The following SPATA13 variants were observed in gnomAD, a reference collection of about 807,000 sequenced individuals.
SPATA13 encodes spermatogenesis associated 13.
In SPATA13, 50 loss-of-function variants were observed where a neutral mutation model predicts 104.0. The ratio of observed to expected loss-of-function variants is 0.48; its 90% CI spans 0.38 to 0.61. SPATA13 has a LOEUF of 0.61. SPATA13 is among the 20% of genes least tolerant of loss of function. The probability of loss-of-function intolerance (pLI) is 0.00; values close to 1 mark genes in which losing one functional copy is unlikely to be tolerated. For synonymous variants in SPATA13, 606 were observed against 667.5 expected, an observed-to-expected ratio of 0.91 and a Z score of 1.42; for missense variants, 1,524 against 1,690.6, an observed-to-expected ratio of 0.90 and a Z score of 1.73.
chr13:24,071,197 G>A (rs908448341), intron 3 of SPATA13, among the ~76,000 whole-genome samples: 1 of 152,144 alleles, frequency 6.6e-6, no homozygotes, highest in East Asian at 1.9e-4. Flanking sequence ...AGAGGAGACA[G>A]CTGCATCTCA....
intron 3 of SPATA13, among the ~76,000 whole-genome samples, chr13:24,079,728 A>T (rs1593316146): frequency 6.6e-6 from 1 of 152,218 alleles, no homozygotes; most frequent in Non-Finnish European, 1.5e-5. Flanking sequence ...GTGTGCAATT[A>T]TATATCATTA....
chr13:24,012,646 C>T (rs1047021777), intron 2 of SPATA13, among the ~76,000 whole-genome samples: 9 of 152,246 alleles, frequency 5.9e-5, no homozygotes, highest in African/African-American at 1.9e-4. Context: ...GTTCCCTCCC[C>T]GTCTTCCGCA....
chr13:24,252,084 C>T (rs996421312), intron 4 of SPATA13, among the ~76,000 whole-genome samples: 2 of 152,080 alleles, frequency 1.3e-5, no homozygotes, highest in East Asian at 3.9e-4. Flanking sequence ...AGAAGTTTGC[C>T]CCTCCTGTGG....
chr13:24,221,873 C>T (rs1383174553), intron 1 of SPATA13, among the ~76,000 whole-genome samples: 2 of 143,330 alleles, frequency 1.4e-5, no homozygotes, highest in African/African-American at 2.6e-5. Context: ...AGTGCAGTGG[C>T]GCAATCTTGG....
intron 2 of SPATA13, among the ~76,000 whole-genome samples, chr13:24,007,610 C>T (rs568824181): frequency 6.6e-6 from 1 of 152,264 alleles, no homozygotes; most frequent in South Asian, 2.1e-4. Context: ...GTGGCACCAC[C>T]ACACCTGGAT....
At chr13:23,992,604 TG>T (rs1288803829) in intron 2 of SPATA13, among the ~76,000 whole-genome samples, 1 of 152,124 alleles carries the variant, frequency 6.6e-6, no homozygotes, top group African/African-American at 2.4e-5. Context: ...GGTAGTCCCA[TG>T]TATGATGAGG....
chr13:24,291,804 C>T lies in SPATA13; in HGVS notation c.3080+920C>T, dbSNP rs571333960. 5.0e-4 allele frequency among the ~76,000 whole-genome samples: 71 copies of T among 143,270 alleles called. 1 individual carries two copies. Among genetic ancestry groups the T allele is most frequent in the Admixed American group, 2.3e-3 (33 of 14,236 alleles). The allele number at this position is 143,270 out of a possible 152,430, so 94.0% of individuals were successfully genotyped here. A position where few individuals can be genotyped will look rare whatever the true frequency, so the allele number is the denominator to read the frequency against. On this transcript the variant is annotated intron_variant, in intron 9 of 12. Coordinates refer to ENST00000382108, the MANE Select transcript of SPATA13 (RefSeq NM_001166271.3). ...TCGTTCTGTCGCCCAGGCCGGACTG[C>T]GGACTGCAGTGGCGCAATCTCGGCT... is the stretch of plus-strand genomic sequence containing the variant.
At chr13:23,999,387 A>AAAAAAAAAC (rs1875846186) in intron 2 of SPATA13, among the ~76,000 whole-genome samples, 1 of 146,056 alleles carries the variant, frequency 6.8e-6, no homozygotes, top group African/African-American at 2.5e-5. Flanking sequence ...AAAAAAAAAA[A>AAAAAAAAAC]AAGCCTGTTC....
At chr13:24,114,003 A>G (rs535782500) in intron 3 of SPATA13, among the ~76,000 whole-genome samples, 123 of 152,236 alleles carry the variant, frequency 8.1e-4, no homozygotes, top group Non-Finnish European at 1.5e-3. Context: ...TTTCATACAG[A>G]TTACTTGAGG....
chr13:24,183,976 C>G (rs563500434), intron 1 of SPATA13, among the ~76,000 whole-genome samples: 42 of 152,226 alleles, frequency 2.8e-4, no homozygotes, highest in African/African-American at 9.4e-4. Context: ...ATTACTCCCC[C>G]CTCTACCCAG....
chr13:24,183,883 T>A (rs1381633506), intron 1 of SPATA13, among the ~76,000 whole-genome samples: 1 of 152,104 alleles, frequency 6.6e-6, no homozygotes, highest in Non-Finnish European at 1.5e-5. Context: ...TTTAAAATAA[T>A]CACGGGCGCT....
At chr13:24,238,005 A>T (rs962683720) in intron 2 of SPATA13, among the ~76,000 whole-genome samples, 57 of 110,360 alleles carry the variant, frequency 5.2e-4, no homozygotes, top group South Asian at 1.5e-3. Flanking sequence ...TATATATATA[A>T]ATATATATAT....
chr13:23,990,698 G>A (rs1297106411), intron 2 of SPATA13, among the ~76,000 whole-genome samples: 1 of 152,198 alleles, frequency 6.6e-6, no homozygotes, highest in Non-Finnish European at 1.5e-5. Context: ...ACCCCACGAA[G>A]CTGTAAATGC....
At chr13:24,142,576 T>C (rs1417490131) in intron 3 of SPATA13, among the ~76,000 whole-genome samples, 1 of 152,152 alleles carries the variant, frequency 6.6e-6, no homozygotes, top group Non-Finnish European at 1.5e-5. Flanking sequence ...GTGTTTTTCC[T>C]TGACTTTTTT....
chr13:24,031,563 T>A lies in SPATA13; in HGVS notation c.-112+13862T>A, dbSNP rs532662307. Reference sequence around the variant, plus strand: ...AAGAAATTAAATGGCCTTTGAGCCATGAAAAATCTGGTGAAATGAACATTT... The same window carrying A: ...AAGAAATTAAATGGCCTTTGAGCCAAGAAAAATCTGGTGAAATGAACATTT... On this transcript the variant is annotated intron_variant, in intron 3 of 14. Coordinates refer to the SPATA13 transcript ENST00000424834. 2.0e-5 allele frequency among the ~76,000 whole-genome samples: 3 copies of A among 152,332 alleles called. No individual in the cohort carries two copies. In the East Asian group the frequency reaches 5.8e-4, roughly 29 times the overall value.
intron 1 of SPATA13, among the ~76,000 whole-genome samples, chr13:24,165,894 C>T (rs886996957): frequency 3.3e-5 from 5 of 152,190 alleles, no homozygotes; most frequent in African/African-American, 9.7e-5. Context: ...TAAATGTGCC[C>T]TGAGTCCTAA....
At chr13:24,249,175 T>C (rs566170301) in intron 2 of SPATA13, among the ~76,000 whole-genome samples, 32 of 152,246 alleles carry the variant, frequency 2.1e-4, no homozygotes, top group Non-Finnish European at 4.3e-4. Flanking sequence ...CGGCCAGTGC[T>C]GATTTTCTTA....
intron 3 of SPATA13, among the ~76,000 whole-genome samples, chr13:24,110,459 C>A (rs1880602442): frequency 6.6e-6 from 1 of 152,202 alleles, no homozygotes; most frequent in African/African-American, 2.4e-5. Context: ...TGGGTCAACT[C>A]CAAACCCCTT....
rs1461735785 is a variant in SPATA13, at chr13:24,051,745, G to A, written c.-112+34044G>A. Among the ~76,000 whole-genome samples the A allele has an allele frequency of 6.6e-6, 1 of 151,272 alleles. No homozygotes were observed. Among genetic ancestry groups the A allele is most frequent in the Non-Finnish European group, 1.5e-5 (1 of 67,796 alleles). ...TGGGAGCTTTAGGGGGGAAGTGGTA[G>A]CGATTGGAGTCAGAGGCAGCAGTGC... On this transcript the variant is annotated intron_variant, in intron 3 of 14. Coordinates refer to the SPATA13 transcript ENST00000424834. The surrounding 1 kb of genome is among the most constrained non-coding windows in gnomAD (Gnocchi z 4.2).
Sources: allele counts gnomAD v4.1 joint callset (sites outside exome capture counted in the v4.1 genomes callset), GRCh38; gene constraint gnomAD v4.1.1; non-coding constraint Gnocchi (gnomAD v3.1); transcripts MANE v1.5; gene names NCBI Gene and HGNC (gene_info 2026-07-23, HGNC 2026-07-21).